RAD21: variants seen among roughly 807,000 people sequenced by gnomAD.
The protein encoded by RAD21 is RAD21 cohesin complex component, also known as double-strand-break repair protein rad21 homolog.
Under a neutral mutation model 71.5 loss-of-function variants are expected in RAD21, and 18 were observed. That is an observed-to-expected ratio of 0.25 (90% CI 0.17 to 0.37). The LOEUF (loss-of-function observed/expected upper bound fraction) is 0.37, where lower values mean the gene tolerates loss of function less well. Among genes scored for constraint, RAD21 ranks in the 10% least tolerant of loss-of-function variants. The pLI is 1.00. For missense variants in RAD21, 493 were observed against 769.1 expected (o/e 0.64, Z 4.25); for synonymous variants, 248 against 254.0 (o/e 0.98, Z 0.22).
In RAD21 at chr8:116,846,455, T is replaced by A. The variant is rs1370144261; in HGVS notation, c.*1045A>T. 1 of 226,598 alleles carries A rather than the reference T, an allele frequency of 4.4e-6. No individual in the cohort carries two copies. The highest frequency in any genetic ancestry group is 8.8e-6 in the Non-Finnish European group (1 of 113,712). 14.0% of individuals were successfully genotyped at this position (226,598 alleles called of 1,614,324 possible). A position where few individuals can be genotyped will look rare whatever the true frequency, so the allele number is the denominator to read the frequency against. On this transcript the variant is annotated 3_prime_UTR_variant, in exon 14 of 14. Coordinates refer to ENST00000297338, the MANE Select transcript of RAD21 (RefSeq NM_006265.3). ...TTTATTTGGATGTATTTTTCTTCAA[T>A]TAAATTACAGGAAACTGGATATAGG...
rs374602670 is a variant in RAD21 at position 116,860,763 on chromosome 8, T to C, written c.374+1078A>G. ...CCAAACCCACAGTATCTCCAAGGTA[T>C]GTCTATATTAAGGAATAACTGATAA... is the stretch of plus-strand genomic sequence containing the variant. On this transcript the variant is annotated intron_variant, in intron 4 of 13. Coordinates refer to ENST00000297338, the MANE Select transcript of RAD21 (RefSeq NM_006265.3). Among the ~76,000 whole-genome samples, 48 of 152,306 alleles carry C rather than the reference T, an allele frequency of 3.2e-4. 1 individual carries two copies. In the East Asian group the frequency reaches 6.7e-3, roughly 21 times the overall value.
intron 9 of RAD21, among the ~76,000 whole-genome samples, chr8:116,853,273 T>A (rs951940984): frequency 1.3e-5 from 2 of 152,064 alleles, no homozygotes; most frequent in Non-Finnish European, 2.9e-5. Context: ...CAGACGGGAT[T>A]TTACCATGTT....
chr8:116,850,929 T>C, intron 11 of RAD21, 162 bp from the exon 12 acceptor site: 2 of 432,294 alleles, frequency 4.6e-6, no homozygotes, highest in Non-Finnish European at 8.1e-6. Flanking sequence ...GTATATATCT[T>C]TTTTGATTTT....
intron 8 of RAD21, among the ~76,000 whole-genome samples, chr8:116,854,829 C>T (rs1452853340): frequency 6.6e-6 from 1 of 152,100 alleles, no homozygotes; most frequent in Non-Finnish European, 1.5e-5. Context: ...AAACAGGGCC[C>T]ATCACTCAAA....
rs1172603623 is a variant in RAD21 at position 116,846,454 on chromosome 8, A to G, written c.*1046T>C. ...CTTTATTTGGATGTATTTTTCTTCA[A>G]TTAAATTACAGGAAACTGGATATAG... On this transcript the variant is annotated 3_prime_UTR_variant, in exon 14 of 14. Transcript: ENST00000297338. The G allele has an allele frequency of 4.4e-6, 1 of 226,378 alleles. No homozygotes were observed. The highest frequency in any genetic ancestry group is 2.2e-5 in the African/African-American group (1 of 44,942). 14.0% of individuals were successfully genotyped at this position (226,378 alleles called of 1,614,324 possible).
intron 1 of RAD21, among the ~76,000 whole-genome samples, chr8:116,869,490 CAGG>C (rs1487575294): frequency 7.2e-5 from 11 of 152,082 alleles, no homozygotes; most frequent in African/African-American, 2.2e-4. Context: ...GTGGCTGAGG[CAGG>C]AGGATTGCTT....
chr8:116,854,095 T>C (rs2130462512), intron 9 of RAD21, 150 bp downstream of exon 9: 1 of 603,388 alleles, frequency 1.7e-6, no homozygotes, highest in East Asian at 2.8e-5. Context: ...GATGAAGTTA[T>C]GCCCAGTACA....
intron 9 of RAD21, 132 bp downstream of exon 9, chr8:116,854,113 T>A (rs1159591677): frequency 4.5e-6 from 3 of 664,786 alleles, no homozygotes; most frequent in Non-Finnish European, 7.6e-6. Context: ...ACACTGTGAT[T>A]TAAGGGAGAA....
intron 5 of RAD21, among the ~76,000 whole-genome samples, 188 bp downstream of exon 5, chr8:116,858,163 TA>T (rs1478220435): frequency 6.6e-6 from 1 of 152,190 alleles, no homozygotes; most frequent in Non-Finnish European, 1.5e-5. Context: ...GAGAAGTAGG[TA>T]AACAATTAGC....
intron 1 of RAD21, chr8:116,874,347 C>T (rs547093554): frequency 1.2e-5 from 2 of 165,494 alleles, no homozygotes; most frequent in Non-Finnish European, 2.6e-5. Context: ...CAGAATGGAT[C>T]AGAATCATTT....
chr8:116,869,064 A>G (rs773026141), intron 1 of RAD21, among the ~76,000 whole-genome samples: 7 of 152,216 alleles, frequency 4.6e-5, no homozygotes, highest in Non-Finnish European at 8.8e-5. Context: ...AAAGCTTGGT[A>G]AAAATTTTGA....
rs1812426989 is a variant in RAD21 at position 116,854,745 on chromosome 8, T to C, written c.938-277A>G. On this transcript the variant is annotated intron_variant, in intron 8 of 13. Coordinates refer to ENST00000297338, the MANE Select transcript of RAD21 (RefSeq NM_006265.3). The stretch of plus-strand genomic sequence containing the variant: ...AAAATGACGCAAGGGCCAACACATT[T>C]TTGCCTATGTAGTTTTATACTGTAA... Among the ~76,000 whole-genome samples, 8 of 152,292 alleles carry C rather than the reference T, an allele frequency of 5.3e-5. No individual in the cohort carries two copies. In the South Asian group the frequency reaches 1.7e-3, roughly 32 times the overall value.
chr8:116,861,816 A>C (rs770838358), intron 4 of RAD21, 25 bp downstream of exon 4: 4 of 1,560,660 alleles, frequency 2.6e-6, no homozygotes, highest in Admixed American at 3.4e-5. Context: ...CAAGTCAACA[A>C]TTTTTTTTAA....
At chr8:116,856,322 A>C in intron 7 of RAD21, 34 bp from the exon 8 acceptor site, 1 of 1,461,380 alleles carries the variant, frequency 6.8e-7, no homozygotes, top group African/African-American at 1.5e-5. Context: ...AAAAGTCACA[A>C]AAAGCTTTGG....
chr8:116,865,994 C>G (rs1304275017), intron 2 of RAD21, among the ~76,000 whole-genome samples: 1 of 152,158 alleles, frequency 6.6e-6, no homozygotes, highest in Non-Finnish European at 1.5e-5. Context: ...TGGTGTTATA[C>G]ATTTTATTAG....
At chr8:116,855,584 G>A (rs1812444445) in intron 8 of RAD21, among the ~76,000 whole-genome samples, 1 of 152,098 alleles carries the variant, frequency 6.6e-6, no homozygotes. Context: ...TTCTTGAAGA[G>A]ACAGGTCTTA....
chr8:116,848,789 C>T (rs900770435), intron 13 of RAD21, 157 bp downstream of exon 13: 16 of 453,802 alleles, frequency 3.5e-5, no homozygotes, highest in Admixed American at 8.5e-5. Context: ...GAAAACTCTC[C>T]CTCCAGAAAA....
At chr8:116,861,082 AAAAGT>A (rs1387367491) in intron 4 of RAD21, among the ~76,000 whole-genome samples, 4 of 152,162 alleles carry the variant, frequency 2.6e-5, no homozygotes, top group African/African-American at 7.2e-5. Flanking sequence ...AAAGAGAGAA[AAAAGT>A]AAAATAGCTA....
intron 11 of RAD21, 90 bp downstream of exon 11, chr8:116,851,858 A>C: frequency 7.2e-7 from 1 of 1,390,804 alleles, no homozygotes; most frequent in Non-Finnish European, 9.8e-7. Flanking sequence ...TGTCAAAACC[A>C]AGATACTTTA....
Sources: allele counts gnomAD v4.1 joint callset (sites outside exome capture counted in the v4.1 genomes callset), GRCh38; gene constraint gnomAD v4.1.1; transcripts MANE v1.5; gene names NCBI Gene and HGNC (gene_info 2026-07-23, HGNC 2026-07-21).